Variants in C11orf65 observed in about 807,000 individuals in gnomAD.
The protein encoded by C11orf65 is protein MFI.
In C11orf65, 38 loss-of-function variants were observed where a neutral mutation model predicts 35.3. That is an observed-to-expected ratio of 1.08 (90% confidence interval 0.83 to 1.41). The LOEUF (loss-of-function observed/expected upper bound fraction) is 1.41, where lower values mean the gene tolerates loss of function less well. Among genes scored for constraint, C11orf65 ranks in the 40% most tolerant of loss-of-function variants. The pLI, the probability that C11orf65 is intolerant of heterozygous loss-of-function variation, is 0.00. For missense variants in C11orf65, 370 were observed against 367.1 expected, an observed-to-expected ratio of 1.01 and a Z score of -0.06; for synonymous variants, 105 against 114.4, an observed-to-expected ratio of 0.92 and a Z score of 0.53.
At position 108,324,238 on chromosome 11, in the gene C11orf65, G is replaced by A. The variant is rs181904680; in HGVS notation, c.641-15167C>T. Among the ~76,000 whole-genome samples the A allele has an allele frequency of 4.2e-3, 636 of 152,150 alleles. 8 individuals carry two copies. Among genetic ancestry groups the A allele is most frequent in the African/African-American group, 0.015 (603 of 41,536 alleles). On this transcript the variant is annotated intron_variant, in intron 6 of 6. Coordinates refer to the C11orf65 transcript ENST00000525729. ...AATAAAAGCACAATCTAGAGGTTACGTGTAATAGGAAAATGCCCTGCCATT... is the reference window on the plus strand; with the variant it reads ...AATAAAAGCACAATCTAGAGGTTACATGTAATAGGAAAATGCCCTGCCATT...
At chr11:108,426,740 C>T (rs991923990) in intron 3 of C11orf65, among the ~76,000 whole-genome samples, 18 of 152,016 alleles carry the variant, frequency 1.2e-4, no homozygotes, top group Admixed American at 3.9e-4. Flanking sequence ...TGCTACCTGA[C>T]TTCAAACTAT....
chr11:108,443,176 C>A (rs895517198), intron 2 of C11orf65, among the ~76,000 whole-genome samples: 6 of 151,270 alleles, frequency 4.0e-5, no homozygotes, highest in Non-Finnish European at 7.4e-5. Context: ...GGCTACAATC[C>A]TAGCCTCTGA....
At chr11:108,337,594 T>G (rs2086990017) in intron 2 of C11orf65, among the ~76,000 whole-genome samples, 1 of 152,206 alleles carries the variant, frequency 6.6e-6, no homozygotes, top group Non-Finnish European at 1.5e-5. Context: ...GCTGCACTGG[T>G]CCAGGGACAA....
chr11:108,314,416 T>A (rs2084435235), intron 6 of C11orf65, among the ~76,000 whole-genome samples: 1 of 151,862 alleles, frequency 6.6e-6, no homozygotes, highest in Admixed American at 6.6e-5. Context: ...CATGTACAGT[T>A]TTAGGTGTTG....
intron 7 of C11orf65, among the ~76,000 whole-genome samples, chr11:108,390,006 ATTTAT>A (rs2092114046): frequency 4.2e-4 from 49 of 117,916 alleles, no homozygotes; most frequent in African/African-American, 1.5e-3. Context: ...TTTTTTTTTT[ATTTAT>A]TTTATTTTTT....
At chr11:108,320,104 T>C (rs1399682468) in intron 6 of C11orf65, 1 of 1,392,442 alleles carries the variant, frequency 7.2e-7, no homozygotes, top group East Asian at 2.3e-5. Context: ...TTTAATGTCA[T>C]GGCTTCTTTT....
intron 2 of C11orf65, among the ~76,000 whole-genome samples, chr11:108,370,373 G>A (rs1261412749): frequency 1.3e-5 from 2 of 151,422 alleles, no homozygotes; most frequent in Admixed American, 6.6e-5. Context: ...TCATCTATGA[G>A]TAATGTTTGG....
intron 2 of C11orf65, chr11:108,365,037 T>G (rs1565607103): frequency 6.2e-7 from 1 of 1,604,336 alleles, no homozygotes; most frequent in Admixed American, 1.7e-5. Context: ...AGTATGTGAT[T>G]AAAATGTACA....
chr11:108,337,137 A>G (rs542727690), intron 2 of C11orf65, among the ~76,000 whole-genome samples: 6 of 152,290 alleles, frequency 3.9e-5, no homozygotes, highest in Admixed American at 3.3e-4. Flanking sequence ...GAGTTAGGCT[A>G]TTGTAATAAA....
Position 108,393,294 on chromosome 11 carries a change from T to C in C11orf65, c.645A>G (p.Arg215=). Residue 215 remains arginine (R), a synonymous_variant, in exon 7 of 9, where the codon AGA becomes AGG. Coordinates refer to ENST00000393084, the MANE Select transcript of C11orf65 (RefSeq NM_152587.5). The part of the protein sequence containing the change: ...LIHTATKGLI[R]AFEDGGIDSV... Reference sequence around the variant, plus strand: ...AATCTATCCCCCCATCTTCAAAAGCTCTAATCAGCCCCTTTGTTGCAGTGT... The same window carrying C: ...AATCTATCCCCCCATCTTCAAAAGCCCTAATCAGCCCCTTTGTTGCAGTGT... 7 of 1,614,088 alleles carry C rather than the reference T, an allele frequency of 4.3e-6. No individual in the cohort carries two copies. The highest frequency in any genetic ancestry group is 5.9e-6 in the Non-Finnish European group (7 of 1,179,976).
chr11:108,459,910 G>A (rs754593756), intron 2 of C11orf65, among the ~76,000 whole-genome samples: 3 of 152,098 alleles, frequency 2.0e-5, no homozygotes, highest in Admixed American at 6.6e-5. Flanking sequence ...AGCTGCAAAC[G>A]ATAGAAAAGC....
At chr11:108,357,938 G>A (rs1177975968) in intron 2 of C11orf65, among the ~76,000 whole-genome samples, 1 of 150,712 alleles carries the variant, frequency 6.6e-6, no homozygotes, top group Non-Finnish European at 1.5e-5. Flanking sequence ...GAACAAAGCT[G>A]GATGGAGAAT....
chr11:108,340,070 AATAAAC>A (rs1180346439), intron 2 of C11orf65: 1 of 152,224 alleles, frequency 6.6e-6, no homozygotes, highest in East Asian at 1.9e-4. Flanking sequence ...AAATAAACAT[AATAAAC>A]ATAATTATAA....
At chr11:108,334,050 A>G (rs2086573693) in intron 3 of C11orf65, 1 of 1,136,266 alleles carries the variant, frequency 8.8e-7, no homozygotes. Flanking sequence ...ATTTTTATGT[A>G]GGTCAAAATT....
At chr11:108,313,049 A>C (rs2084312402) in intron 6 of C11orf65, among the ~76,000 whole-genome samples, 1 of 152,184 alleles carries the variant, frequency 6.6e-6, no homozygotes, top group Admixed American at 6.5e-5. Flanking sequence ...TGGAGAAAAT[A>C]GAAGGCATAG....
chr11:108,319,041 G>T (rs947941911), intron 6 of C11orf65, among the ~76,000 whole-genome samples: 17 of 152,014 alleles, frequency 1.1e-4, no homozygotes, highest in Non-Finnish European at 2.2e-4. Context: ...GCTGGGCAAG[G>T]TAGCATGCAT....
chr11:108,429,461 C>T (rs763790013), intron 3 of C11orf65, among the ~76,000 whole-genome samples: 1 of 152,008 alleles, frequency 6.6e-6, no homozygotes, highest in African/African-American at 2.4e-5. Flanking sequence ...TGACAAGCCA[C>T]AGAGTGAAAA....
intron 2 of C11orf65, among the ~76,000 whole-genome samples, chr11:108,444,793 A>G (rs1797755807): frequency 6.6e-6 from 1 of 152,154 alleles, no homozygotes; most frequent in African/African-American, 2.4e-5. Flanking sequence ...CACGAGCTGA[A>G]GCAGGGCAAG....
In C11orf65 at chr11:108,383,297, C is replaced by T. The variant is rs139275833; in HGVS notation, c.788-122G>A. On this transcript the variant is annotated intron_variant, in intron 8 of 8. Coordinates refer to ENST00000393084, the MANE Select transcript of C11orf65 (RefSeq NM_152587.5). ...ACCATTCTTAAAGCAAATATCTTCA[C>T]CTGAAACCAGAAACACCCCAAATTT... The T allele has an allele frequency of 8.1e-5, 68 of 842,190 alleles. No individual in the cohort carries two copies. The African/African-American group carries it at 9.7e-4, about 12-fold the overall frequency. The allele number at this position is 842,190 out of a possible 1,614,324, so 52.2% of individuals were successfully genotyped here.
Sources: allele counts gnomAD v4.1 joint callset (sites outside exome capture counted in the v4.1 genomes callset), GRCh38; gene constraint gnomAD v4.1.1; transcripts MANE v1.5; gene names NCBI Gene and HGNC (gene_info 2026-07-23, HGNC 2026-07-21).